Variants in SLC26A7 observed in about 807,000 individuals in gnomAD.
The protein encoded by SLC26A7 is anion exchange transporter.
SLC26A7 carries 59 observed loss-of-function variants against 82.5 expected under a neutral mutation model. That is an observed-to-expected ratio of 0.72 (90% CI 0.58 to 0.89). SLC26A7 has a LOEUF of 0.89. Among genes scored for constraint, SLC26A7 ranks in the 40% least tolerant of loss-of-function variants. SLC26A7 has a pLI of 0.00. For synonymous variants in SLC26A7, 271 were observed against 274.3 expected (o/e 0.99, Z 0.12); for missense variants, 820 against 793.0 (o/e 1.03, Z -0.41).
Position 91,273,211 on chromosome 8 carries a change from C to T in SLC26A7, c.194-15925C>T, listed in dbSNP as rs146770884. ...ATGGAGGGGTTGGTGGTGAGAGGGA[C>T]CAAAATAAACAATTTCCATTTTGTA... On this transcript the variant is annotated intron_variant, in intron 2 of 18. Transcript: ENST00000276609. 2.5e-3 allele frequency among the ~76,000 whole-genome samples: 384 copies of T among 152,014 alleles called. 1 individual carries two copies. Among genetic ancestry groups the T allele is most frequent in the Non-Finnish European group, 3.5e-3 (238 of 67,946 alleles).
chr8:91,294,635 A>G (rs780035025), intron 3 of SLC26A7, among the ~76,000 whole-genome samples: 7 of 152,206 alleles, frequency 4.6e-5, no homozygotes, highest in Non-Finnish European at 8.8e-5. Flanking sequence ...GTTTGTTTCT[A>G]TAACCCAAAT....
chr8:91,359,953 T>C (rs916336683), intron 11 of SLC26A7, among the ~76,000 whole-genome samples: 2 of 152,042 alleles, frequency 1.3e-5, no homozygotes, highest in Admixed American at 6.6e-5. Context: ...ATGTACATAG[T>C]CATCACATGG....
At chr8:91,306,992 A>T (rs1812327462) in intron 4 of SLC26A7, among the ~76,000 whole-genome samples, 1 of 145,012 alleles carries the variant, frequency 6.9e-6, no homozygotes, top group Non-Finnish European at 1.5e-5. Context: ...GGCGAAGGAC[A>T]TGAACAGACA....
chr8:91,244,405 C>CT (rs1024968409), upstream of SLC26A7, among the ~76,000 whole-genome samples: 4 of 146,858 alleles, frequency 2.7e-5, no homozygotes, highest in African/African-American at 7.5e-5. Flanking sequence ...TCTTTTCATT[C>CT]TTTTTTTATG....
At chr8:91,379,886 T>C (rs998575000) in intron 15 of SLC26A7, among the ~76,000 whole-genome samples, 13 of 152,020 alleles carry the variant, frequency 8.6e-5, no homozygotes, top group African/African-American at 3.1e-4. Context: ...AGAAGATAGA[T>C]GTAACTTATA....
intron 2 of SLC26A7, among the ~76,000 whole-genome samples, chr8:91,257,488 G>T (rs1202242868): frequency 6.6e-6 from 1 of 152,008 alleles, no homozygotes; most frequent in Non-Finnish European, 1.5e-5. Context: ...CCAAGAGGAA[G>T]GACTGCTTTG....
At chr8:91,290,512 C>T (rs1245298812) in intron 3 of SLC26A7, among the ~76,000 whole-genome samples, 1 of 152,128 alleles carries the variant, frequency 6.6e-6, no homozygotes, top group Non-Finnish European at 1.5e-5. Flanking sequence ...TTCAACCATG[C>T]GATATGTAAA....
chr8:91,385,951 T>C (rs1360242937), intron 15 of SLC26A7, among the ~76,000 whole-genome samples: 1 of 152,194 alleles, frequency 6.6e-6, no homozygotes, highest in African/African-American at 2.4e-5. Flanking sequence ...TATACACAGA[T>C]TGTTTTTCAC....
chr8:91,289,299 G>A (rs1811799746), intron 3 of SLC26A7, 53 bp downstream of exon 3: 1 of 1,286,506 alleles, frequency 7.8e-7, no homozygotes, highest in Admixed American at 1.7e-5. Context: ...AAGACTTAGT[G>A]ATTATTACTG....
At chr8:91,288,909 A>G (rs1811785634) in intron 2 of SLC26A7, among the ~76,000 whole-genome samples, 1 of 152,226 alleles carries the variant, frequency 6.6e-6, no homozygotes, top group African/African-American at 2.4e-5. Context: ...CATCTCTGCA[A>G]TCAAAGGAAA....
intron 2 of SLC26A7, among the ~76,000 whole-genome samples, chr8:91,258,700 G>A (rs1009542417): frequency 1.3e-5 from 2 of 152,060 alleles, no homozygotes; most frequent in African/African-American, 2.4e-5. Flanking sequence ...AACAGATGAA[G>A]GAAAGTAGAT....
At chr8:91,316,610 C>T (rs1812640935) in intron 4 of SLC26A7, among the ~76,000 whole-genome samples, 1 of 151,070 alleles carries the variant, frequency 6.6e-6, no homozygotes, top group African/African-American at 2.4e-5. Flanking sequence ...GCTGGGCTTG[C>T]CAACAAGAAT....
At chr8:91,371,214 A>G (rs946137670) in intron 15 of SLC26A7, among the ~76,000 whole-genome samples, 1 of 151,880 alleles carries the variant, frequency 6.6e-6, no homozygotes, top group African/African-American at 2.4e-5. Context: ...TGAAAACTGG[A>G]TTTTTTAACT....
chr8:91,267,352 T>C (rs1449317999), intron 2 of SLC26A7, among the ~76,000 whole-genome samples: 2 of 151,938 alleles, frequency 1.3e-5, no homozygotes, highest in Admixed American at 6.6e-5. Context: ...TTTCTTTAAA[T>C]GTTCGATAGA....
chr8:91,224,539 C>A (rs1165388679), intron 2 of SLC26A7, among the ~76,000 whole-genome samples: 4 of 152,202 alleles, frequency 2.6e-5, no homozygotes, highest in African/African-American at 9.6e-5. Context: ...GGCTGGACAG[C>A]AGCAAAGATG....
intron 2 of SLC26A7, among the ~76,000 whole-genome samples, chr8:91,231,578 C>CT (rs1810311601): frequency 6.6e-6 from 1 of 151,080 alleles, no homozygotes; most frequent in Non-Finnish European, 1.5e-5. Flanking sequence ...TTTTCTTTTT[C>CT]TTTTCTTTTC....
intron 2 of SLC26A7, among the ~76,000 whole-genome samples, chr8:91,279,720 C>A (rs756929060): frequency 6.6e-6 from 1 of 151,982 alleles, no homozygotes; most frequent in East Asian, 1.9e-4. Flanking sequence ...CCACCACGCC[C>A]GGCTAATTTT....
rs1369724670 is a variant in SLC26A7 at position 91,273,127 on chromosome 8, TAAAC to T, written c.194-16005_194-16002del. Reference sequence around the variant, plus strand: ...GCCATTTTCTGAGATAGAGCATAAATAAACAAAACAACCAGTGTTTGTTTTTGTT... The same window carrying T: ...GCCATTTTCTGAGATAGAGCATAAATAAAACAACCAGTGTTTGTTTTTGTT... On this transcript the variant is annotated intron_variant, in intron 2 of 18. Coordinates refer to ENST00000276609, the MANE Select transcript of SLC26A7 (RefSeq NM_052832.4). Among the ~76,000 whole-genome samples the T allele has an allele frequency of 7.2e-5, 11 of 152,290 alleles. No individual in the cohort carries two copies. The South Asian group carries it at 1.0e-3, about 14-fold the overall frequency.
intron 4 of SLC26A7, among the ~76,000 whole-genome samples, chr8:91,299,523 AC>A (rs1302898591): frequency 2.0e-5 from 3 of 151,940 alleles, no homozygotes; most frequent in African/African-American, 7.3e-5. Context: ...GTTGCTGCCT[AC>A]TTGTGCCAAC....
Sources: allele counts gnomAD v4.1 joint callset (sites outside exome capture counted in the v4.1 genomes callset), GRCh38; gene constraint gnomAD v4.1.1; transcripts MANE v1.5; gene names NCBI Gene and HGNC (gene_info 2026-07-23, HGNC 2026-07-21).